The following ELAVL2 variants were observed in gnomAD, a reference collection of about 807,000 sequenced individuals.
ELAVL2 encodes ELAV like RNA binding protein 2.
Under a neutral mutation model 34.6 loss-of-function variants are expected in ELAVL2, and 4 were observed. The ratio of observed to expected loss-of-function variants is 0.12; its 90% CI spans 0.06 to 0.26. ELAVL2 has a LOEUF of 0.26. Among genes scored for constraint, ELAVL2 ranks in the 10% least tolerant of loss-of-function variants. The pLI is 1.00. For missense variants in ELAVL2, 432 were observed against 442.8 expected (o/e 0.98, Z 0.22); for synonymous variants, 193 against 154.8 (o/e 1.25, Z -1.83).
chr9:23,755,783 G>A (rs1352196500), intron 2 of ELAVL2, among the ~76,000 whole-genome samples: 1 of 152,074 alleles, frequency 6.6e-6, no homozygotes. Flanking sequence ...ATAGCATACA[G>A]AGTTTGCAAA....
chr9:23,818,659 A>G (rs1422860961), intron 1 of ELAVL2, among the ~76,000 whole-genome samples: 3 of 152,212 alleles, frequency 2.0e-5, no homozygotes, highest in Non-Finnish European at 4.4e-5. Flanking sequence ...GCTAAGTACC[A>G]CAGATTCTAG....
chr9:23,829,752 C>A (rs919021453), upstream of ELAVL2: 3 of 152,084 alleles, frequency 2.0e-5, no homozygotes, highest in African/African-American at 7.2e-5. Context: ...GTGGCAACCA[C>A]GCAAGAGAAA....
intron 1 of ELAVL2, among the ~76,000 whole-genome samples, chr9:23,820,053 G>T (rs1383484716): frequency 2.7e-5 from 4 of 150,340 alleles, no homozygotes; most frequent in Admixed American, 2.0e-4. Context: ...AGACAAGGTA[G>T]ATGCAGGACA....
chr9:23,744,940 T>C (rs1445120002), intron 2 of ELAVL2, among the ~76,000 whole-genome samples: 1 of 152,036 alleles, frequency 6.6e-6, no homozygotes, highest in East Asian at 1.9e-4. Context: ...CTGGGCACAG[T>C]GGCTCCCAAA....
intron 2 of ELAVL2, among the ~76,000 whole-genome samples, chr9:23,752,852 C>T (rs1026441732): frequency 1.3e-5 from 2 of 152,084 alleles, no homozygotes; most frequent in African/African-American, 4.8e-5. Flanking sequence ...TAGAACAATA[C>T]AGAATGATCA....
At chr9:23,710,480 G>C (rs1180414866) in intron 3 of ELAVL2, among the ~76,000 whole-genome samples, 1 of 152,190 alleles carries the variant, frequency 6.6e-6, no homozygotes, top group African/African-American at 2.4e-5. Context: ...ATAGATTAAA[G>C]TGATAAGGTC....
At chr9:23,785,964 C>T (rs949387324) in intron 1 of ELAVL2, among the ~76,000 whole-genome samples, 6 of 152,150 alleles carry the variant, frequency 3.9e-5, no homozygotes, top group African/African-American at 1.4e-4. Flanking sequence ...TATGAGGTCA[C>T]CTGGCATAGT....
At chr9:23,708,569 TTCTTA>T (rs1391249104) in intron 3 of ELAVL2, among the ~76,000 whole-genome samples, 5 of 152,210 alleles carry the variant, frequency 3.3e-5, no homozygotes, top group African/African-American at 1.2e-4. Flanking sequence ...TCCTGGCTGT[TTCTTA>T]AAGGCATACA....
At chr9:23,814,081 C>G (rs1474922493) in intron 1 of ELAVL2, among the ~76,000 whole-genome samples, 1 of 152,056 alleles carries the variant, frequency 6.6e-6, no homozygotes, top group African/African-American at 2.4e-5. Flanking sequence ...TATATATTAC[C>G]AAACCGTAAA....
intron 1 of ELAVL2, among the ~76,000 whole-genome samples, chr9:23,820,785 G>A (rs1588843198): frequency 1.3e-5 from 2 of 152,342 alleles, no homozygotes; most frequent in East Asian, 3.9e-4. Context: ...AGCTGGAGGA[G>A]CAGCTGCCGC....
chr9:23,748,388 G>A (rs1026333441), intron 2 of ELAVL2, among the ~76,000 whole-genome samples: 4 of 152,136 alleles, frequency 2.6e-5, no homozygotes, highest in African/African-American at 9.7e-5. Context: ...CCACACGGAT[G>A]TTTGTCCCTG....
chr9:23,843,184 T>A, the ELAVL2 span, among the ~76,000 whole-genome samples: 1 of 152,122 alleles, frequency 6.6e-6, no homozygotes, highest in Non-Finnish European at 1.5e-5. Flanking sequence ...CTAATCTGAA[T>A]GCTATTCAAA....
At chr9:23,740,755 C>T (rs1051471346) in intron 2 of ELAVL2, among the ~76,000 whole-genome samples, 4 of 152,188 alleles carry the variant, frequency 2.6e-5, no homozygotes, top group African/African-American at 4.8e-5. Context: ...TGAGAGGTAT[C>T]TGCATTATAA....
At chr9:23,781,223 C>T (rs1215393820) in intron 1 of ELAVL2, among the ~76,000 whole-genome samples, 2 of 152,198 alleles carry the variant, frequency 1.3e-5, no homozygotes, top group Admixed American at 6.5e-5. Context: ...TCTCAAGGCA[C>T]TAACCTTCTT....
At chr9:23,836,158 T>C in the ELAVL2 span, among the ~76,000 whole-genome samples, 8 of 152,354 alleles carry the variant, frequency 5.3e-5, no homozygotes, top group African/African-American at 1.9e-4. Flanking sequence ...GAAGATACTG[T>C]CGTAATAGAA....
intron 4 of ELAVL2, among the ~76,000 whole-genome samples, chr9:23,702,950 G>GAAAAAAAA (rs1164109229): frequency 3.9e-4 from 3 of 7,646 alleles, no homozygotes; most frequent in Non-Finnish European, 6.8e-4. Flanking sequence ...CATCAGATTA[G>GAAAAAAAA]CAAAAAAAAA....
intron 1 of ELAVL2, among the ~76,000 whole-genome samples, chr9:23,810,028 C>G (rs1435850406): frequency 1.3e-5 from 2 of 152,060 alleles, no homozygotes; most frequent in Admixed American, 6.6e-5. Flanking sequence ...TGATTGGGAA[C>G]ACATTTTTTT....
chr9:23,733,560 G>T lies in ELAVL2; in HGVS notation c.230-2435C>A, dbSNP rs144826654. Among the ~76,000 whole-genome samples the T allele has an allele frequency of 3.3e-5, 5 of 152,258 alleles. No individual in the cohort carries two copies. In the East Asian group the frequency reaches 9.6e-4, roughly 29 times the overall value. ...ACAGTTGCGTTGTTTAGGTACACGT[G>T]GATGTGTTTCTTCTAAAATCTTCAA... is the stretch of plus-strand genomic sequence containing the variant. On this transcript the variant is annotated intron_variant, in intron 2 of 6. Coordinates refer to ENST00000397312, the MANE Select transcript of ELAVL2 (RefSeq NM_004432.5).
At chr9:23,830,032 C>G (rs988056073), upstream of ELAVL2, 3 of 152,298 alleles carry the variant, frequency 2.0e-5, no homozygotes, top group African/African-American at 7.2e-5. Flanking sequence ...TTCCACTGTC[C>G]TGTTTTACAT....
Sources: gnomAD v4.1 joint callset for allele counts (sites outside exome capture counted in the v4.1 genomes callset) on GRCh38, gnomAD v4.1.1 for gene constraint, MANE v1.5 for transcripts, NCBI Gene and HGNC (gene_info 2026-07-23, HGNC 2026-07-21) for gene names.